DDX42: variants seen among roughly 807,000 people sequenced by gnomAD.
The protein encoded by DDX42 is DEAD-box helicase 42, also known as ATP-dependent RNA helicase DDX42.
In DDX42, 22 loss-of-function variants were observed where a neutral mutation model predicts 101.5. The observed-to-expected ratio is 0.22, with a 90% CI of 0.15 to 0.31. The LOEUF (loss-of-function observed/expected upper bound fraction) is 0.31. DDX42 is among the 10% of genes least tolerant of loss of function. The probability of loss-of-function intolerance (pLI) is 1.00; values close to 1 mark genes in which losing one functional copy is unlikely to be tolerated. For missense variants in DDX42, 849 were observed against 1,199.9 expected, an observed-to-expected ratio of 0.71 and a Z score of 4.32; for synonymous variants, 402 against 401.2, an observed-to-expected ratio of 1.00 and a Z score of -0.02.
rs1270612951 is a variant in DDX42, at chr17:63,818,824, A to G, written c.*426A>G. 6.1e-6 allele frequency: 1 copy of G among 163,056 alleles called. No homozygotes were observed. The highest frequency in any genetic ancestry group is 1.4e-5 in the Non-Finnish European group (1 of 73,266). 10.1% of individuals were successfully genotyped at this position (163,056 alleles called of 1,614,324 possible). A position where few individuals can be genotyped will look rare whatever the true frequency, so the allele number is the denominator to read the frequency against. On this transcript the variant is annotated 3_prime_UTR_variant, in exon 18 of 18. Coordinates refer to ENST00000389924, the MANE Select transcript of DDX42 (RefSeq NM_203499.3). ...CCCATTTTAGGAGTTGGCTTCTGCA[A>G]ATTCAATCCATTGAGCTAACTGTTG...
At position 63,809,002 on chromosome 17, in the gene DDX42, A is replaced by T. The variant is rs1412378520; in HGVS notation, c.1152+54A>T. 3 of 1,594,222 alleles carry T rather than the reference A, an allele frequency of 1.9e-6. No individual in the cohort carries two copies. In the African/African-American group the frequency reaches 4.0e-5, roughly 21 times the overall value. On this transcript the variant is annotated intron_variant, in intron 10 of 17. Coordinates refer to ENST00000389924, the MANE Select transcript of DDX42 (RefSeq NM_203499.3). Reference sequence around the variant, plus strand: ...CTCAGCCTCCCTCGGTATGGAAAACATGATTAGTTTTGCAGAGAATTTCCC... The same window carrying T: ...CTCAGCCTCCCTCGGTATGGAAAACTTGATTAGTTTTGCAGAGAATTTCCC...
At chr17:63,793,235 C>A (rs1187420821) in intron 3 of DDX42, among the ~76,000 whole-genome samples, 1 of 151,334 alleles carries the variant, frequency 6.6e-6, no homozygotes, top group African/African-American at 2.4e-5. Flanking sequence ...ACCTCTGATT[C>A]TTTCTTTTCC....
intron 3 of DDX42, among the ~76,000 whole-genome samples, chr17:63,795,568 G>T (rs926150315): frequency 2.0e-5 from 3 of 152,164 alleles, no homozygotes; most frequent in African/African-American, 7.2e-5. Context: ...GTAGCCTCAG[G>T]CAGTCTCTCC....
intron 6 of DDX42, 77 bp from the exon 7 acceptor site, chr17:63,804,994 G>C: frequency 2.0e-6 from 3 of 1,517,564 alleles, no homozygotes; most frequent in Non-Finnish European, 2.6e-6. Context: ...ATTTGGAAAA[G>C]ATTATTTTGC....
chr17:63,785,556 T>C (rs2039538005), intron 1 of DDX42, among the ~76,000 whole-genome samples: 1 of 149,290 alleles, frequency 6.7e-6, no homozygotes, highest in Admixed American at 6.7e-5. Flanking sequence ...CTCTTGAGGC[T>C]AGAAGTTTGA....
rs780772934 is a variant in DDX42 at position 63,817,813 on chromosome 17, A to C, written c.2232A>C (p.Ser744=). Residue 744 remains serine, a synonymous_variant, in exon 18 of 18, where the codon TCA becomes TCC. Transcript: ENST00000389924. ...GCTTGAATTCTGTTCCAACTAACTC[A>C]GCACAACAGGGCCATAACAGTCCTG... ...AGSLNSVPTN[S]AQQGHNSPDS... The C allele has an allele frequency of 5.6e-6, 9 of 1,614,084 alleles. No homozygotes were observed. The African/African-American group carries it at 9.3e-5, about 17-fold the overall frequency.
At chr17:63,811,405 GT>G in intron 13 of DDX42, 32 of 426,908 alleles carry the variant, frequency 7.5e-5, no homozygotes, top group South Asian at 9.1e-5. Context: ...TTCATTTTGT[GT>G]TTTTTTTGTT....
chr17:63,810,894 A>G (rs1366549213), intron 12 of DDX42, among the ~76,000 whole-genome samples, 182 bp from the exon 13 acceptor site: 3 of 152,236 alleles, frequency 2.0e-5, no homozygotes, highest in Non-Finnish European at 1.5e-5. Flanking sequence ...TGTCTTAACT[A>G]AAAATGTAAT....
intron 17 of DDX42, chr17:63,817,395 C>T: frequency 3.0e-6 from 1 of 329,974 alleles, no homozygotes; most frequent in Non-Finnish European, 5.5e-6. Flanking sequence ...TTTAAGTTTT[C>T]AGAACTTTTT....
At chr17:63,815,008 A>G (rs188144986) in intron 15 of DDX42, among the ~76,000 whole-genome samples, 1 of 152,234 alleles carries the variant, frequency 6.6e-6, no homozygotes, top group East Asian at 1.9e-4. Context: ...ATGTGAGTAA[A>G]TATGTTGAGT....
chr17:63,787,393 C>A (rs556556496), intron 2 of DDX42, 123 bp downstream of exon 2: 2 of 1,007,976 alleles, frequency 2.0e-6, no homozygotes, highest in East Asian at 2.6e-5. Flanking sequence ...TTATGTGTCT[C>A]GCTGAATTCC....
At chr17:63,809,748 G>T (rs2039886773) in intron 11 of DDX42, 89 bp downstream of exon 11, 20 of 1,062,508 alleles carry the variant, frequency 1.9e-5, no homozygotes, top group Non-Finnish European at 2.9e-5. Flanking sequence ...TTCAGCATGA[G>T]AGAAGCTAAA....
rs770884420 is a variant in DDX42, at chr17:63,806,665, CAT to C, written c.846+13_846+14del. 6 of 1,591,286 alleles carry C rather than the reference CAT, an allele frequency of 3.8e-6. No individual in the cohort carries two copies. The African/African-American group carries it at 6.8e-5, about 18-fold the overall frequency. On this transcript the variant is annotated intron_variant, in intron 8 of 17. Transcript: ENST00000389924. ...CCAATACAGTGCCAGGTAAGTAAAA[CAT>C]AATGAAAGAAAAATAAAGTAGGGTA...
At chr17:63,789,699 T>C (rs2039602261) in intron 2 of DDX42, among the ~76,000 whole-genome samples, 1 of 150,804 alleles carries the variant, frequency 6.6e-6, no homozygotes, top group Non-Finnish European at 1.5e-5. Flanking sequence ...TCAGCCTCCT[T>C]AGTAGCTGGG....
Position 63,803,264 on chromosome 17 carries a change from C to T in DDX42, c.622-1807C>T, listed in dbSNP as rs573015648. ...AATGAAAATAACTTTTAGGAAATGA[C>T]CACTTGTCAAGTTTTAGTGTAAAAT... On this transcript the variant is annotated intron_variant, in intron 6 of 17. Transcript: ENST00000389924. Among the ~76,000 whole-genome samples, 12 of 152,216 alleles carry T rather than the reference C, an allele frequency of 7.9e-5. No homozygotes were observed. The East Asian group carries it at 2.3e-3, about 29-fold the overall frequency.
At chr17:63,817,151 G>C in intron 17 of DDX42, 185 bp downstream of exon 17, 1 of 568,072 alleles carries the variant, frequency 1.8e-6, no homozygotes, top group Non-Finnish European at 3.1e-6. Context: ...TTGATCTAGA[G>C]AACCCCTTGT....
chr17:63,778,126 T>C (rs959790359), intron 1 of DDX42, among the ~76,000 whole-genome samples: 1 of 152,222 alleles, frequency 6.6e-6, no homozygotes, highest in Non-Finnish European at 1.5e-5. Flanking sequence ...TGTGAGACTT[T>C]TTCTGGTTCC....
chr17:63,784,965 A>T (rs2039528672), intron 1 of DDX42, among the ~76,000 whole-genome samples: 1 of 152,196 alleles, frequency 6.6e-6, no homozygotes, highest in Admixed American at 6.5e-5. Context: ...AAACAATATC[A>T]CAGTATATCA....
chr17:63,815,901 T>C (rs1261904306), intron 16 of DDX42: 3 of 271,492 alleles, frequency 1.1e-5, no homozygotes, highest in Non-Finnish European at 2.1e-5. Flanking sequence ...CAGGAAATTA[T>C]TCTAGATTAG....
Sources: gnomAD v4.1 joint callset for allele counts (sites outside exome capture counted in the v4.1 genomes callset) on GRCh38, gnomAD v4.1.1 for gene constraint, MANE v1.5 for transcripts, NCBI Gene and HGNC (gene_info 2026-07-23, HGNC 2026-07-21) for gene names.